Variants in RNF41 observed in about 807,000 individuals in gnomAD.
RNF41 encodes the protein E3 ubiquitin-protein ligase NRDP1.
RNF41 carries 4 observed loss-of-function variants against 33.0 expected under a neutral mutation model. The ratio of observed to expected loss-of-function variants is 0.12; its 90% CI spans 0.06 to 0.28. The LOEUF (loss-of-function observed/expected upper bound fraction) is 0.28, where lower values mean the gene tolerates loss of function less well. RNF41 is among the 10% of genes least tolerant of loss of function. The pLI is 1.00. For missense variants in RNF41, 228 were observed against 432.6 expected (o/e 0.53, Z 4.19); for synonymous variants, 164 against 153.2 (o/e 1.07, Z -0.52).
chr12:56,221,088 C>T (rs1869376845), intron 1 of RNF41, among the ~76,000 whole-genome samples: 1 of 152,152 alleles, frequency 6.6e-6, no homozygotes, highest in South Asian at 2.1e-4. Flanking sequence ...CTGTCAATCC[C>T]TCAAGCAAAA....
chr12:56,218,714 T>C lies in RNF41; in HGVS notation c.-208-2101A>G, dbSNP rs539792567. Among the ~76,000 whole-genome samples the C allele has an allele frequency of 4.0e-5, 6 of 148,156 alleles. No homozygotes were observed. The East Asian group carries it at 9.8e-4, about 24-fold the overall frequency. ...TATTTATTATATATATATATGTTAT[T>C]TTTTTTTTGAGACAAAGTGTTGCTC... On this transcript the variant is annotated intron_variant, in intron 1 of 6. Transcript: ENST00000345093.
chr12:56,211,408 C>T (rs1868466724), intron 3 of RNF41, among the ~76,000 whole-genome samples: 1 of 151,672 alleles, frequency 6.6e-6, no homozygotes, highest in African/African-American at 2.4e-5. Context: ...TGAAACAAGA[C>T]AAACAAGTAA....
chr12:56,206,374 G>A lies in RNF41; in HGVS notation c.*73C>T, dbSNP rs1868264476. 7.8e-7 allele frequency: 1 copy of A among 1,278,124 alleles called. No homozygotes were observed. Among genetic ancestry groups the A allele is most frequent in the African/African-American group, 1.5e-5 (1 of 67,850 alleles). 79.2% of individuals were successfully genotyped at this position (1,278,124 alleles called of 1,614,324 possible). A position where few individuals can be genotyped will look rare whatever the true frequency, so the allele number is the denominator to read the frequency against. On this transcript the variant is annotated 3_prime_UTR_variant, in exon 7 of 7. Transcript: ENST00000345093. The surrounding 1 kb of genome is among the most constrained non-coding windows in gnomAD (Gnocchi z 5.7). ...CCACAGTATTAAGAATGGTGGGTAGGACTCAGGTCCCAGCTGCTGGAGTGA... is the reference window on the plus strand; with the variant it reads ...CCACAGTATTAAGAATGGTGGGTAGAACTCAGGTCCCAGCTGCTGGAGTGA...
At chr12:56,214,178 G>T in intron 2 of RNF41, 108 bp from the exon 3 acceptor site, 1 of 708,506 alleles carries the variant, frequency 1.4e-6, no homozygotes, top group Non-Finnish European at 2.5e-6. Context: ...AATATTTACT[G>T]GGAGTCTACT....
Position 56,208,186 on chromosome 12 carries a change from G to A in RNF41, c.475C>T (p.His159Tyr). 1.2e-6 allele frequency: 2 copies of A among 1,614,226 alleles called. No individual in the cohort carries two copies. Reference protein sequence around the residue: ...IAELEKTSAEHKHQLAEQKRD... With the variant: ...IAELEKTSAEYKHQLAEQKRD... ...ACCTGCTCCGCCAGCTGGTGTTTGT[G>A]TTCAGCTGACGTCTTCTCCAGCTCT... Residue 159 changes from histidine to tyrosine, a missense_variant, in exon 5 of 7, where the codon CAC becomes TAC. His to Tyr is a moderately conservative substitution (Grantham distance 83). Around this residue, in one of 2 missense-constraint regions of RNF41, gnomAD observed 199 missense variants for 334.6 expected, o/e 0.59. Transcript: ENST00000345093.
rs1009170478 is a variant in RNF41, at chr12:56,221,906, T to C, written c.-355A>G. 1 of 152,402 alleles carries C rather than the reference T, an allele frequency of 6.6e-6. No individual in the cohort carries two copies. The highest frequency in any genetic ancestry group is 2.4e-5 in the African/African-American group (1 of 41,428). 9.4% of individuals were successfully genotyped at this position (152,402 alleles called of 1,614,324 possible). A position where few individuals can be genotyped will look rare whatever the true frequency, so the allele number is the denominator to read the frequency against. Reference sequence around the variant, plus strand: ...GGAGGGGAAAGAAGACTCCTACCACTCGTCGCCGCCTCAGACGGATCCTTT... The same window carrying C: ...GGAGGGGAAAGAAGACTCCTACCACCCGTCGCCGCCTCAGACGGATCCTTT... On this transcript the variant is annotated 5_prime_UTR_variant, in exon 1 of 7. Coordinates refer to ENST00000345093, the MANE Select transcript of RNF41 (RefSeq NM_005785.4).
Position 56,206,677 on chromosome 12 carries a change from T to C in RNF41, c.724A>G (p.Ile242Val), listed in dbSNP as rs758835156. The C allele has an allele frequency of 6.9e-5, 111 of 1,613,866 alleles. No homozygotes were observed. The highest frequency in any genetic ancestry group is 8.6e-5 in the Non-Finnish European group (101 of 1,180,016). ...GCATTTTCAATCAGCTCGTTGACAATAGAAGCAGGACAGCCACTCTCCACC... is the reference window on the plus strand; with the variant it reads ...GCATTTTCAATCAGCTCGTTGACAACAGAAGCAGGACAGCCACTCTCCACC... ...SLVESGCPAS[I>V]VNELIENAHE... Residue 242 changes from isoleucine to valine, a missense_variant, in exon 7 of 7, where the codon ATT becomes GTT. Around this residue, in one of 2 missense-constraint regions of RNF41, gnomAD observed 199 missense variants for 334.6 expected, o/e 0.59. Transcript: ENST00000345093. The surrounding 1 kb of genome is among the most constrained non-coding windows in gnomAD (Gnocchi z 5.7).
At chr12:56,215,741 G>A (rs796231451) in intron 2 of RNF41, among the ~76,000 whole-genome samples, 15 of 142,434 alleles carry the variant, frequency 1.1e-4, no homozygotes, top group African/African-American at 3.3e-4. Flanking sequence ...AAAAAAAAGA[G>A]AGGTCCAAAA....
intron 6 of RNF41, 63 bp downstream of exon 6, chr12:56,207,583 C>A: frequency 8.0e-7 from 1 of 1,255,296 alleles, no homozygotes; most frequent in South Asian, 1.2e-5. Context: ...CTCTCCTGCT[C>A]TTCCTCCTTT....
chr12:56,210,403 C>A lies in RNF41; in HGVS notation c.256G>T (p.Ala86Ser), dbSNP rs1427579820. ...ACAACGGCACTACAGCCGAACACAG[C>A]GTTGTCACAGGCAATCTGCAGCTTT... ...LSKLQIACDNAVFGCSAVVRL... is the reference protein window; with the variant it reads ...LSKLQIACDNSVFGCSAVVRL... Residue 86 changes from alanine (A) to serine (S), a missense_variant, in exon 4 of 7, where the codon GCT becomes TCT. Ala to Ser is a moderately conservative substitution (Grantham distance 99, BLOSUM62 1). This residue lies in a region of RNF41 where 199 missense variants were observed against 334.6 expected (regional missense o/e 0.59). Transcript: ENST00000345093. 1 of 1,614,100 alleles carries A rather than the reference C, an allele frequency of 6.2e-7. No homozygotes were observed. Among genetic ancestry groups the A allele is most frequent in the Non-Finnish European group, 8.5e-7 (1 of 1,180,046 alleles).
chr12:56,210,981 T>G (rs1315472441), intron 3 of RNF41, among the ~76,000 whole-genome samples: 1 of 152,072 alleles, frequency 6.6e-6, no homozygotes, highest in African/African-American at 2.4e-5. Context: ...GGTCAGGAGT[T>G]CAAGACCAGC....
chr12:56,217,288 T>A (rs981264031), intron 1 of RNF41, among the ~76,000 whole-genome samples: 1 of 152,180 alleles, frequency 6.6e-6, no homozygotes, highest in Admixed American at 6.5e-5. Flanking sequence ...GGCTCACGCC[T>A]GTGATCCCAG....
Position 56,204,417 on chromosome 12 carries a change from A to T in RNF41, c.*2030T>A, listed in dbSNP as rs1430066796. 2.0e-5 allele frequency: 3 copies of T among 152,256 alleles called. No homozygotes were observed. Among genetic ancestry groups the T allele is most frequent in the Non-Finnish European group, 4.4e-5 (3 of 68,062 alleles). 9.4% of individuals were successfully genotyped at this position (152,256 alleles called of 1,614,324 possible). The stretch of plus-strand genomic sequence containing the variant: ...AGCACTAAGATAAGGGTAGGTAACA[A>T]AGTAAGGAAGAAAGGGAATTAAGGT... On this transcript the variant is annotated 3_prime_UTR_variant, in exon 7 of 7. Transcript: ENST00000345093.
Position 56,210,469 on chromosome 12 carries a change from G to A in RNF41, c.190C>T (p.His64Tyr). ...PVDRSVVTVA[H>Y]LRPVPRIMRN... is the part of the protein sequence containing the mutation. ...ATGATCCGAGGTACTGGGCGCAGATGGGCGACCGTCACAACACTACGGTCC... is the reference window on the plus strand; with the variant it reads ...ATGATCCGAGGTACTGGGCGCAGATAGGCGACCGTCACAACACTACGGTCC... The change falls in exon 4 of 7, where the codon CAT (histidine) becomes TAT (tyrosine). Residue 64 changes from histidine (H) to tyrosine (Y), a missense_variant. By Grantham distance (83) the His-to-Tyr change is moderately conservative. This residue lies in a region of RNF41 where 29 missense variants were observed against 98.0 expected (regional missense o/e 0.30). Coordinates refer to ENST00000345093, the MANE Select transcript of RNF41 (RefSeq NM_005785.4). 6.2e-7 allele frequency: 1 copy of A among 1,614,212 alleles called. No homozygotes were observed. Among genetic ancestry groups the A allele is most frequent in the Non-Finnish European group, 8.5e-7 (1 of 1,180,030 alleles).
intron 1 of RNF41, among the ~76,000 whole-genome samples, chr12:56,220,966 CCCCT>C (rs1869360384): frequency 6.6e-6 from 1 of 152,134 alleles, no homozygotes; most frequent in Admixed American, 6.6e-5. Context: ...GACTCTAAAA[CCCCT>C]GTATAGAAAG....
intron 3 of RNF41, chr12:56,212,922 G>T: frequency 9.6e-7 from 1 of 1,037,408 alleles, no homozygotes; most frequent in Non-Finnish European, 1.3e-6. Context: ...TACAGAATGA[G>T]GGCAATAAGG....
intron 2 of RNF41, among the ~76,000 whole-genome samples, chr12:56,215,241 AG>A (rs1295642564): frequency 6.6e-6 from 1 of 152,200 alleles, no homozygotes; most frequent in Non-Finnish European, 1.5e-5. Context: ...AAAGTCTGTG[AG>A]GATTTTGGAC....
chr12:56,208,421 AT>A, intron 4 of RNF41, 123 bp from the exon 5 acceptor site: 2 of 947,492 alleles, frequency 2.1e-6, no homozygotes, highest in Admixed American at 4.6e-5. Flanking sequence ...TCTAACATTC[AT>A]TTCAGGCCTC....
intron 4 of RNF41, 78 bp downstream of exon 4, chr12:56,210,219 A>C: frequency 6.8e-7 from 1 of 1,470,730 alleles, no homozygotes; most frequent in Non-Finnish European, 9.4e-7. Context: ...CTCCTCAGCT[A>C]GTGAGGAGGG....
Sources: allele counts gnomAD v4.1 joint callset (sites outside exome capture counted in the v4.1 genomes callset), GRCh38; gene constraint gnomAD v4.1.1; regional missense constraint gnomAD v4.1.1; non-coding constraint Gnocchi (gnomAD v3.1); transcripts MANE v1.5; gene names NCBI Gene and HGNC (gene_info 2026-07-23, HGNC 2026-07-21).